IPP: variants seen among roughly 807,000 people sequenced by gnomAD.
IPP encodes actin-binding protein IPP.
IPP carries 41 observed loss-of-function variants against 64.1 expected under a neutral mutation model. The observed-to-expected ratio is 0.64, with a 90% CI of 0.50 to 0.83. The LOEUF (loss-of-function observed/expected upper bound fraction) is 0.83, where lower values mean the gene tolerates loss of function less well. Among genes scored for constraint, IPP ranks in the 40% least tolerant of loss-of-function variants. The probability of loss-of-function intolerance (pLI) is 0.00; values close to 1 mark genes in which losing one functional copy is unlikely to be tolerated. For missense variants in IPP, 649 were observed against 703.0 expected (o/e 0.92, Z 0.87); for synonymous variants, 214 against 235.2 (o/e 0.91, Z 0.83).
At chr1:45,734,019 C>A (rs984297913) in intron 3 of IPP, among the ~76,000 whole-genome samples, 4 of 151,786 alleles carry the variant, frequency 2.6e-5, no homozygotes, top group African/African-American at 4.8e-5. Context: ...AATGAAAAGA[C>A]CATGGTCAAA....
At chr1:45,714,912 T>A (rs967810379) in intron 7 of IPP, among the ~76,000 whole-genome samples, 2 of 152,148 alleles carry the variant, frequency 1.3e-5, no homozygotes, top group Non-Finnish European at 2.9e-5. Context: ...AAATAGTATA[T>A]GGCTAAATTA....
chr1:45,709,659 T>C (rs1569961116), intron 8 of IPP, among the ~76,000 whole-genome samples: 2 of 139,710 alleles, frequency 1.4e-5, no homozygotes, highest in Admixed American at 1.5e-4. Flanking sequence ...ACCCCATCTC[T>C]ACTAAAAATA....
In IPP at chr1:45,741,034, T is replaced by C; in HGVS notation, c.591A>G (p.Glu197=). 1 of 1,614,070 alleles carries C rather than the reference T, an allele frequency of 6.2e-7. No individual in the cohort carries two copies. Among genetic ancestry groups the C allele is most frequent in the South Asian group, 1.1e-5 (1 of 91,074 alleles). Residue 197 remains glutamate, a synonymous_variant, in exon 3 of 9, where the codon GAA becomes GAG. Coordinates refer to ENST00000396478, the MANE Select transcript of IPP (RefSeq NM_005897.3). ...GCATTGCAGCTAAGAAGACCTGGTA[T>C]TCATCCTCAATGCTAAGCTCTTCAC... ...LRSEELSIED[E]YQVFLAAMQW...
intron 3 of IPP, among the ~76,000 whole-genome samples, chr1:45,732,470 G>C (rs568211712): frequency 2.3e-4 from 35 of 151,634 alleles, no homozygotes; most frequent in African/African-American, 8.0e-4. Context: ...TGAAATGACA[G>C]TATTGTAGAG....
intron 5 of IPP, among the ~76,000 whole-genome samples, chr1:45,723,336 A>G (rs1478841444): frequency 6.6e-6 from 1 of 152,230 alleles, no homozygotes; most frequent in Non-Finnish European, 1.5e-5. Flanking sequence ...TTTAAAAGTT[A>G]TATATTAAGG....
chr1:45,732,203 T>C (rs2148573367), intron 3 of IPP, among the ~76,000 whole-genome samples: 1 of 149,800 alleles, frequency 6.7e-6, no homozygotes, highest in East Asian at 2.0e-4. Context: ...CTACTAAAAA[T>C]TACAAAAATT....
rs576053113 is a variant in IPP, at chr1:45,740,895, A to G, written c.724+6T>C. On this transcript the variant is annotated splice_donor_region_variant and intron_variant, in intron 3 of 8. Transcript: ENST00000396478. ...CAACTAATTCGATATATAGCAAAAA[A>G]GTTACCTTCTATATACTTTAAAAGT... is the stretch of plus-strand genomic sequence containing the variant. 2.6e-6 allele frequency: 4 copies of G among 1,530,992 alleles called. No homozygotes were observed. The Admixed American group carries it at 8.6e-5, about 33-fold the overall frequency. 94.8% of individuals were successfully genotyped at this position (1,530,992 alleles called of 1,614,324 possible).
At chr1:45,725,107 G>A (rs1645797638) in intron 5 of IPP, among the ~76,000 whole-genome samples, 1 of 141,360 alleles carries the variant, frequency 7.1e-6, no homozygotes, top group African/African-American at 2.6e-5. Flanking sequence ...CCGTCCGGGA[G>A]GGGGGAGGGG....
chr1:45,721,593 T>C (rs1645731791), intron 5 of IPP, among the ~76,000 whole-genome samples: 1 of 152,254 alleles, frequency 6.6e-6, no homozygotes. Flanking sequence ...GATTTTGTTT[T>C]CTACATTTCA....
At chr1:45,695,725 A>G (rs1052519847), downstream of IPP, among the ~76,000 whole-genome samples, 2 of 151,886 alleles carry the variant, frequency 1.3e-5, no homozygotes, top group Admixed American at 1.3e-4. Flanking sequence ...GCTGGAGTGC[A>G]ATGGCGCTAT....
intron 1 of IPP, among the ~76,000 whole-genome samples, chr1:45,747,030 A>C (rs1441962022): frequency 6.6e-6 from 1 of 152,058 alleles, no homozygotes; most frequent in African/African-American, 2.4e-5. Flanking sequence ...GCTCACCCTA[A>C]GCTTATTGGT....
At chr1:45,732,644 G>T (rs1645926433) in intron 3 of IPP, among the ~76,000 whole-genome samples, 1 of 149,538 alleles carries the variant, frequency 6.7e-6, no homozygotes, top group African/African-American at 2.4e-5. Context: ...ACTACCAAAT[G>T]AAACATTTAA....
At chr1:45,735,364 A>G (rs918565217) in intron 3 of IPP, among the ~76,000 whole-genome samples, 1 of 152,020 alleles carries the variant, frequency 6.6e-6, no homozygotes, top group Non-Finnish European at 1.5e-5. Flanking sequence ...GATTAAAGGC[A>G]TGAGACACCA....
rs1315471353 is a variant in IPP at position 45,746,336 on chromosome 1, G to C, written c.76C>G (p.Gln26Glu). Reference sequence around the variant, plus strand: ...TGTCCATTTCTCATCTTATTGATTTGGGCCAAGATGAGTTGGGCATGTTTA... The same window carrying C: ...TGTCCATTTCTCATCTTATTGATTTCGGCCAAGATGAGTTGGGCATGTTTA... Reference protein sequence around the residue: ...SDKHAQLILAQINKMRNGQHF... With the variant: ...SDKHAQLILAEINKMRNGQHF... Residue 26 changes from glutamine to glutamate, a missense_variant, in exon 2 of 9, where the codon CAA becomes GAA. Gln to Glu is a conservative substitution (Grantham distance 29, BLOSUM62 2). Coordinates refer to ENST00000396478, the MANE Select transcript of IPP (RefSeq NM_005897.3). 6.2e-7 allele frequency: 1 copy of C among 1,613,876 alleles called. No individual in the cohort carries two copies. Among genetic ancestry groups the C allele is most frequent in the Non-Finnish European group, 8.5e-7 (1 of 1,179,840 alleles).
chr1:45,740,597 A>C (rs1017608428), intron 3 of IPP, among the ~76,000 whole-genome samples: 2 of 152,246 alleles, frequency 1.3e-5, no homozygotes, highest in African/African-American at 4.8e-5. Flanking sequence ...TTCTGTCAAC[A>C]GCAGTGGTAT....
intron 5 of IPP, among the ~76,000 whole-genome samples, chr1:45,727,346 C>G (rs1408510880): frequency 6.6e-6 from 1 of 152,088 alleles, no homozygotes; most frequent in Admixed American, 6.6e-5. Flanking sequence ...CACTGCACCC[C>G]GCCACAACTT....
In IPP at chr1:45,699,002, C is replaced by T. The variant is rs1645414675; in HGVS notation, c.*964G>A. 5 of 976,318 alleles carry T rather than the reference C, an allele frequency of 5.1e-6. No homozygotes were observed. The highest frequency in any genetic ancestry group is 6.1e-6 in the Non-Finnish European group (5 of 821,730). The allele number at this position is 976,318 out of a possible 1,614,324, so 60.5% of individuals were successfully genotyped here. A position where few individuals can be genotyped will look rare whatever the true frequency, so the allele number is the denominator to read the frequency against. ...TCGGCCTCTCAAAGTGCTGGGATTA[C>T]AGGTGTGAGCCACCATGCCCAGCCT... On this transcript the variant is annotated 3_prime_UTR_variant, in exon 9 of 9. Coordinates refer to ENST00000396478, the MANE Select transcript of IPP (RefSeq NM_005897.3).
chr1:45,701,835 A>G (rs1645459121), intron 8 of IPP, among the ~76,000 whole-genome samples: 1 of 152,228 alleles, frequency 6.6e-6, no homozygotes, highest in Admixed American at 6.5e-5. Flanking sequence ...CCCAGTACCC[A>G]CATAGGTACT....
intron 6 of IPP, among the ~76,000 whole-genome samples, chr1:45,718,712 C>G (rs1027003257): frequency 6.6e-6 from 1 of 152,096 alleles, no homozygotes. Flanking sequence ...TCTCCAAAGT[C>G]ATCAGAACCC....
Sources: gnomAD v4.1 joint callset for allele counts (sites outside exome capture counted in the v4.1 genomes callset) on GRCh38, gnomAD v4.1.1 for gene constraint, MANE v1.5 for transcripts, NCBI Gene and HGNC (gene_info 2026-07-23, HGNC 2026-07-21) for gene names.